NAF1: variants seen among roughly 807,000 people sequenced by gnomAD.
The protein encoded by NAF1 is H/ACA ribonucleoprotein complex non-core subunit NAF1.
A neutral mutation model predicts 40.6 loss-of-function variants in NAF1; 11 were observed. The observed-to-expected ratio is 0.27, with a 90% CI of 0.17 to 0.45. NAF1 has a LOEUF of 0.45. NAF1 is among the 20% of genes least tolerant of loss of function. The pLI is 1.00. For synonymous variants in NAF1, 260 were observed against 228.5 expected, an observed-to-expected ratio of 1.14 and a Z score of -1.24; for missense variants, 607 against 611.1, an observed-to-expected ratio of 0.99 and a Z score of 0.07.
At chr4:163,115,199 A>ATTTTTTTTTTTTTTTT (rs201172406) in intron 2 of NAF1, among the ~76,000 whole-genome samples, 1 of 103,708 alleles carries the variant, frequency 9.6e-6, no homozygotes, top group African/African-American at 3.9e-5. Context: ...TAGGACAATA[A>ATTTTTTTTTTTTTTTT]TTTTTTTATT....
chr4:163,109,918 A>G (rs1360037829), downstream of NAF1, among the ~76,000 whole-genome samples: 1 of 152,208 alleles, frequency 6.6e-6, no homozygotes, highest in Admixed American at 6.5e-5. Context: ...TGAAAACATA[A>G]TTAGTTAACA....
At chr4:163,136,011 T>C (rs1173534345) in intron 6 of NAF1, 1 of 152,214 alleles carries the variant, frequency 6.6e-6, no homozygotes, top group Non-Finnish European at 1.5e-5. Context: ...TCAATTCAGA[T>C]ACTAAGCAAG....
At position 163,166,470 on chromosome 4, in the gene NAF1, C is replaced by A. The variant is rs775640824; in HGVS notation, c.258G>T (p.Pro86=). 23 of 1,603,912 alleles carry A rather than the reference C, an allele frequency of 1.4e-5. No individual in the cohort carries two copies. The highest frequency in any genetic ancestry group is 3.3e-4 in the Middle Eastern group (2 of 5,974). ...AGTPAPQPQP[P]AESPACGDCV... Reference sequence around the variant, plus strand: ...AGTCTCCGCAGGCCGGCGATTCAGCCGGTGGCTGTGGCTGCGGCGCCGGGG... The same window carrying A: ...AGTCTCCGCAGGCCGGCGATTCAGCAGGTGGCTGTGGCTGCGGCGCCGGGG... The change falls in exon 1 of 8, where the codon CCG becomes CCT. Residue 86 remains proline, a synonymous_variant. Transcript: ENST00000274054.
intron 2 of NAF1, among the ~76,000 whole-genome samples, chr4:163,152,082 CA>C (rs1731733343): frequency 6.6e-6 from 1 of 152,094 alleles, no homozygotes; most frequent in Non-Finnish European, 1.5e-5. Context: ...TACTGGTTGA[CA>C]ATTCCAAATT....
At chr4:163,141,091 C>T (rs1731242306) in intron 4 of NAF1, among the ~76,000 whole-genome samples, 1 of 152,162 alleles carries the variant, frequency 6.6e-6, no homozygotes, top group Non-Finnish European at 1.5e-5. Flanking sequence ...TCTGGCTGGG[C>T]GCAGTGGCTC....
At chr4:163,110,376 G>C (rs140987055) in intron 2 of NAF1, 6 of 660,938 alleles carry the variant, frequency 9.1e-6, no homozygotes, top group Non-Finnish European at 1.6e-5. Flanking sequence ...TGTTATAATT[G>C]TCCTATTGTA....
At chr4:163,120,836 CA>C (rs1465455709) in intron 2 of NAF1, among the ~76,000 whole-genome samples, 1 of 151,926 alleles carries the variant, frequency 6.6e-6, no homozygotes, top group Non-Finnish European at 1.5e-5. Flanking sequence ...TGCACAGAGT[CA>C]AAAATGAGAT....
chr4:163,117,415 T>C (rs1166384684), intron 2 of NAF1: 1 of 152,178 alleles, frequency 6.6e-6, no homozygotes. Context: ...TAAATTTCAA[T>C]GGCTCTCTAA....
At chr4:163,117,487 G>A (rs1730373680) in intron 2 of NAF1, 1 of 151,248 alleles carries the variant, frequency 6.6e-6, no homozygotes, top group Admixed American at 6.6e-5. Flanking sequence ...TTCTCCACTT[G>A]TTGCTCCAAG....
At chr4:163,118,984 A>G (rs938118806) in intron 2 of NAF1, among the ~76,000 whole-genome samples, 1 of 152,196 alleles carries the variant, frequency 6.6e-6, no homozygotes, top group Admixed American at 6.5e-5. Context: ...TTGCTTTTCT[A>G]TAACAAAAAC....
chr4:163,125,921 A>G (rs1730640879), downstream of NAF1, among the ~76,000 whole-genome samples: 1 of 152,212 alleles, frequency 6.6e-6, no homozygotes, highest in Non-Finnish European at 1.5e-5. Context: ...GAATTTTGCT[A>G]AATGTACTCT....
At chr4:163,152,799 A>C (rs1431395635) in intron 2 of NAF1, among the ~76,000 whole-genome samples, 1 of 152,216 alleles carries the variant, frequency 6.6e-6, no homozygotes, top group Admixed American at 6.5e-5. Flanking sequence ...CTTTCTGGGC[A>C]GGCCAAGGCC....
At chr4:163,107,177 G>A (rs1158100491), downstream of NAF1, among the ~76,000 whole-genome samples, 1 of 152,164 alleles carries the variant, frequency 6.6e-6, no homozygotes, top group African/African-American at 2.4e-5. Flanking sequence ...AGTACAGGCG[G>A]GGTTTCACCG....
intron 2 of NAF1, among the ~76,000 whole-genome samples, chr4:163,150,815 A>G (rs917225879): frequency 3.3e-5 from 5 of 152,134 alleles, no homozygotes; most frequent in African/African-American, 1.2e-4. Flanking sequence ...AAACACATGC[A>G]TATTTAAAAT....
intron 2 of NAF1, among the ~76,000 whole-genome samples, chr4:163,161,309 C>T (rs749220584): frequency 1.3e-5 from 2 of 152,036 alleles, no homozygotes; most frequent in Non-Finnish European, 2.9e-5. Flanking sequence ...CCTGTCTCTA[C>T]TAAAAATAAA....
chr4:163,144,416 TGAA>T (rs1456874631), intron 4 of NAF1, among the ~76,000 whole-genome samples: 2 of 152,212 alleles, frequency 1.3e-5, no homozygotes, highest in African/African-American at 4.8e-5. Context: ...ATCGTGTTAC[TGAA>T]GAAAAGAGGG....
At chr4:163,126,871 C>T (rs1730670685), downstream of NAF1, 1 of 1,414,504 alleles carries the variant, frequency 7.1e-7, no homozygotes, top group South Asian at 1.5e-5. Flanking sequence ...GACCTTCCAA[C>T]AGCTAAAAGA....
intron 5 of NAF1, 73 bp downstream of exon 5, chr4:163,140,150 T>C (rs1343931543): frequency 7.7e-5 from 95 of 1,237,458 alleles, no homozygotes; most frequent in Non-Finnish European, 9.4e-5. Flanking sequence ...TGTAAGAAAT[T>C]ACATCACTGA....
chr4:163,135,502 G>A (rs1434063452), intron 6 of NAF1: 2 of 152,178 alleles, frequency 1.3e-5, no homozygotes, highest in African/African-American at 4.8e-5. Flanking sequence ...TAGAATATCT[G>A]GATTTTGGCC....
Sources: gnomAD v4.1 joint callset for allele counts (sites outside exome capture counted in the v4.1 genomes callset) on GRCh38, gnomAD v4.1.1 for gene constraint, MANE v1.5 for transcripts, NCBI Gene and HGNC (gene_info 2026-07-23, HGNC 2026-07-21) for gene names.